SH2D4A: variants seen among roughly 807,000 people sequenced by gnomAD.
SH2D4A encodes the protein SH2 domain containing 4A.
A neutral mutation model predicts 64.7 loss-of-function variants in SH2D4A; 70 were observed. The ratio of observed to expected loss-of-function variants is 1.08; its 90% confidence interval spans 0.89 to 1.32. The LOEUF (loss-of-function observed/expected upper bound fraction) is 1.32, where lower values mean the gene tolerates loss of function less well. SH2D4A is among the 40% of genes most tolerant of loss of function. SH2D4A has a pLI of 0.00. For missense variants in SH2D4A, 706 were observed against 540.1 expected (o/e 1.31, Z -3.04); for synonymous variants, 268 against 200.7 (o/e 1.34, Z -2.83).
chr8:19,332,938 T>A lies in SH2D4A; in HGVS notation c.182-17T>A, dbSNP rs1436592292. 6.2e-7 allele frequency: 1 copy of A among 1,603,494 alleles called. No homozygotes were observed. On this transcript the variant is annotated splice_polypyrimidine_tract_variant and intron_variant, in intron 2 of 9. Transcript: ENST00000265807. ...ATTTGTTCAATCTGAATTTTTTGTT[T>A]GTGTGTTTGTTTGCAGAGAATGGCA...
At chr8:19,346,464 C>G (rs1335504222) in intron 4 of SH2D4A, among the ~76,000 whole-genome samples, 2 of 152,242 alleles carry the variant, frequency 1.3e-5, no homozygotes, top group South Asian at 2.1e-4. Context: ...CCATTACCCT[C>G]AGATGGGACA....
At chr8:19,320,771 C>T (rs530537920) in intron 2 of SH2D4A, among the ~76,000 whole-genome samples, 1 of 152,260 alleles carries the variant, frequency 6.6e-6, no homozygotes, top group African/African-American at 2.4e-5. Context: ...TGGGTGAATA[C>T]CAAAGTTGTG....
At chr8:19,360,529 G>A (rs571535134) in intron 5 of SH2D4A, among the ~76,000 whole-genome samples, 10 of 152,172 alleles carry the variant, frequency 6.6e-5, no homozygotes, top group East Asian at 5.8e-4. Flanking sequence ...CAGGAGAATC[G>A]CTTGAACCTG....
intron 2 of SH2D4A, among the ~76,000 whole-genome samples, chr8:19,324,862 C>A (rs1055052368): frequency 1.5e-4 from 23 of 152,136 alleles, no homozygotes; most frequent in African/African-American, 5.3e-4. Flanking sequence ...CAGGGGTTCG[C>A]AGATCCTAGG....
At chr8:19,384,524 C>A (rs938699725) in intron 8 of SH2D4A, among the ~76,000 whole-genome samples, 1 of 152,086 alleles carries the variant, frequency 6.6e-6, no homozygotes, top group Non-Finnish European at 1.5e-5. Flanking sequence ...TCATTTTATT[C>A]TTGCATCTGA....
rs2053583898 is a variant in SH2D4A at position 19,395,995 on chromosome 8, G to A, written c.*1353G>A. The A allele has an allele frequency of 6.6e-6, 1 of 152,086 alleles. No individual in the cohort carries two copies. Among genetic ancestry groups the A allele is most frequent in the Non-Finnish European group, 1.5e-5 (1 of 68,044 alleles). The allele number at this position is 152,086 out of a possible 1,614,324, so 9.4% of individuals were successfully genotyped here. A position where few individuals can be genotyped will look rare whatever the true frequency, so the allele number is the denominator to read the frequency against. On this transcript the variant is annotated 3_prime_UTR_variant, in exon 10 of 10. Transcript: ENST00000265807. Reference sequence around the variant, plus strand: ...TTCCAGCCAGTTCTGTTTAGCCCTGGCACACATATTTGTCCCGTCAGGAAT... The same window carrying A: ...TTCCAGCCAGTTCTGTTTAGCCCTGACACACATATTTGTCCCGTCAGGAAT...
chr8:19,337,894 G>A (rs976285078), intron 4 of SH2D4A, among the ~76,000 whole-genome samples: 1 of 152,124 alleles, frequency 6.6e-6, no homozygotes, highest in African/African-American at 2.4e-5. Flanking sequence ...TGGGGACACA[G>A]CCAAACCATA....
At chr8:19,358,984 A>G (rs1399640545) in intron 5 of SH2D4A, among the ~76,000 whole-genome samples, 1 of 152,194 alleles carries the variant, frequency 6.6e-6, no homozygotes, top group African/African-American at 2.4e-5. Flanking sequence ...GGATTTCCCC[A>G]TGCCTGGCTG....
At chr8:19,341,952 C>T (rs2052535987) in intron 4 of SH2D4A, among the ~76,000 whole-genome samples, 1 of 152,096 alleles carries the variant, frequency 6.6e-6, no homozygotes, top group African/African-American at 2.4e-5. Flanking sequence ...CTAAAATCTC[C>T]CGAGGGCTGT....
chr8:19,389,051 T>C (rs571536145), intron 8 of SH2D4A, among the ~76,000 whole-genome samples: 1 of 152,252 alleles, frequency 6.6e-6, no homozygotes, highest in South Asian at 2.1e-4. Context: ...GAGCAGGTGC[T>C]CAGCAGGTCT....
chr8:19,375,735 T>G (rs1272082220), intron 8 of SH2D4A: 3 of 152,070 alleles, frequency 2.0e-5, no homozygotes, highest in Non-Finnish European at 4.4e-5. Flanking sequence ...AAAGAGTAAA[T>G]TTCTAATGTT....
chr8:19,319,821 G>C (rs1334821575), intron 2 of SH2D4A, 93 bp downstream of exon 2: 1 of 1,334,220 alleles, frequency 7.5e-7, no homozygotes, highest in Non-Finnish European at 1.0e-6. Context: ...CAAAGCAGGT[G>C]CAAGTTCCAG....
At chr8:19,355,147 C>G (rs2052771656) in intron 4 of SH2D4A, among the ~76,000 whole-genome samples, 1 of 152,044 alleles carries the variant, frequency 6.6e-6, no homozygotes, top group Admixed American at 6.6e-5. Context: ...CTCTGCAATA[C>G]TTGCGGGAGT....
chr8:19,394,681 C>G lies in SH2D4A; in HGVS notation c.*39C>G, dbSNP rs768091547. The G allele has an allele frequency of 6.6e-7, 1 of 1,525,490 alleles. No homozygotes were observed. The highest frequency in any genetic ancestry group is 1.4e-5 in the African/African-American group (1 of 72,992). 94.5% of individuals were successfully genotyped at this position (1,525,490 alleles called of 1,614,324 possible). On this transcript the variant is annotated 3_prime_UTR_variant, in exon 10 of 10. Transcript: ENST00000265807. Reference sequence around the variant, plus strand: ...GGTCATCCTACAGCCTCCAAGCGGGCTTTCCCCTGGACAAATGCCACTGCA... The same window carrying G: ...GGTCATCCTACAGCCTCCAAGCGGGGTTTCCCCTGGACAAATGCCACTGCA...
intron 4 of SH2D4A, among the ~76,000 whole-genome samples, chr8:19,353,478 C>T (rs1319133652): frequency 2.0e-5 from 3 of 150,748 alleles, no homozygotes; most frequent in Non-Finnish European, 2.9e-5. Context: ...AAGCAATTCT[C>T]TTGCCTCAGC....
chr8:19,363,072 A>G (rs887604324), intron 6 of SH2D4A, among the ~76,000 whole-genome samples: 4 of 151,450 alleles, frequency 2.6e-5, no homozygotes, highest in Non-Finnish European at 5.9e-5. Context: ...TGTTGGGGGT[A>G]TTGATTATTT....
At chr8:19,348,376 T>C (rs1038093490) in intron 4 of SH2D4A, among the ~76,000 whole-genome samples, 5 of 152,160 alleles carry the variant, frequency 3.3e-5, no homozygotes, top group Non-Finnish European at 5.9e-5. Context: ...GGATTACAGT[T>C]CACTTATATT....
chr8:19,385,641 C>G (rs767469177), intron 8 of SH2D4A, among the ~76,000 whole-genome samples: 3 of 152,182 alleles, frequency 2.0e-5, no homozygotes, highest in African/African-American at 7.2e-5. Flanking sequence ...GTGTCCCACT[C>G]CTCCCAACTT....
intron 8 of SH2D4A, among the ~76,000 whole-genome samples, chr8:19,378,996 C>G (rs541129330): frequency 2.0e-5 from 3 of 150,026 alleles, no homozygotes; most frequent in East Asian, 3.9e-4. Context: ...GCAGGAGGAT[C>G]GCTTGAGTCT....
Sources: gnomAD v4.1 joint callset for allele counts (sites outside exome capture counted in the v4.1 genomes callset) on GRCh38, gnomAD v4.1.1 for gene constraint, MANE v1.5 for transcripts, NCBI Gene and HGNC (gene_info 2026-07-23, HGNC 2026-07-21) for gene names.